FHOD3: variants seen among roughly 807,000 people sequenced by gnomAD.
FHOD3 encodes the protein formin homology 2 domain containing 3.
Under a neutral mutation model 173.0 loss-of-function variants are expected in FHOD3, and 90 were observed. The observed-to-expected ratio is 0.52, with a 90% CI of 0.44 to 0.62. The LOEUF is 0.62. FHOD3 is among the 20% of genes least tolerant of loss of function. FHOD3 has a pLI of 0.00. For missense variants in FHOD3, 1,945 were observed against 2,034.7 expected, an observed-to-expected ratio of 0.96 and a Z score of 0.85; for synonymous variants, 828 against 823.0, an observed-to-expected ratio of 1.01 and a Z score of -0.10.
At chr18:36,504,558 C>G (rs2055200038) in intron 4 of FHOD3, among the ~76,000 whole-genome samples, 1 of 133,962 alleles carries the variant, frequency 7.5e-6, no homozygotes, top group Non-Finnish European at 1.5e-5. Context: ...CACATGGACA[C>G]AGGAAAGGGA....
At chr18:36,457,395 G>A (rs1036328548) in intron 3 of FHOD3, among the ~76,000 whole-genome samples, 4 of 152,126 alleles carry the variant, frequency 2.6e-5, no homozygotes, top group African/African-American at 9.7e-5. Context: ...TTGGTGGATT[G>A]TTCACTGGGA....
chr18:36,530,670 A>C (rs951516374), intron 5 of FHOD3, among the ~76,000 whole-genome samples: 1 of 152,272 alleles, frequency 6.6e-6, no homozygotes, highest in Admixed American at 6.5e-5. Context: ...CAATGCCAGC[A>C]TGCACATTCT....
intron 9 of FHOD3, among the ~76,000 whole-genome samples, chr18:36,623,838 T>C (rs1381041258): frequency 6.6e-6 from 1 of 152,258 alleles, no homozygotes; most frequent in East Asian, 1.9e-4. Flanking sequence ...ACGGTTTGTG[T>C]ATCTCAGGTG....
At chr18:36,404,549 T>G (rs1028288287) in intron 3 of FHOD3, among the ~76,000 whole-genome samples, 1 of 152,204 alleles carries the variant, frequency 6.6e-6, no homozygotes, top group Non-Finnish European at 1.5e-5. Context: ...GGGCAGATTT[T>G]CAAATGCCAG....
chr18:36,674,742 G>A (rs1018641560), intron 14 of FHOD3, among the ~76,000 whole-genome samples: 1 of 152,122 alleles, frequency 6.6e-6, no homozygotes, highest in African/African-American at 2.4e-5. Context: ...GACAGTGAGG[G>A]GAGCATCTTG....
At chr18:36,722,337 G>T (rs2040835327) in intron 19 of FHOD3, among the ~76,000 whole-genome samples, 1 of 152,114 alleles carries the variant, frequency 6.6e-6, no homozygotes, top group Non-Finnish European at 1.5e-5. Flanking sequence ...CTAACCAGGG[G>T]CAGCAAAATC....
chr18:36,714,228 C>T (rs1600375431), intron 18 of FHOD3, among the ~76,000 whole-genome samples: 1 of 152,122 alleles, frequency 6.6e-6, no homozygotes, highest in East Asian at 1.9e-4. Flanking sequence ...AGCAAGAAAA[C>T]TGGCATTTTA....
At chr18:36,335,629 G>GAAAT (rs1381842769) in intron 1 of FHOD3, among the ~76,000 whole-genome samples, 2 of 152,192 alleles carry the variant, frequency 1.3e-5, no homozygotes, top group Non-Finnish European at 2.9e-5. Flanking sequence ...TGGCCTAGTA[G>GAAAT]AAATGGCTGT....
chr18:36,758,705 C>T (rs1400212673), intron 25 of FHOD3, among the ~76,000 whole-genome samples: 1 of 152,188 alleles, frequency 6.6e-6, no homozygotes, highest in African/African-American at 2.4e-5. Context: ...CTTAGAGGGG[C>T]CTTGATGACT....
intron 5 of FHOD3, among the ~76,000 whole-genome samples, chr18:36,530,007 GTAGGGGGT>G (rs1427100595): frequency 6.6e-6 from 1 of 151,484 alleles, no homozygotes; most frequent in Non-Finnish European, 1.5e-5. Context: ...GCCTTCCAAG[GTAGGGGGT>G]TTGGTCATGG....
intron 6 of FHOD3, among the ~76,000 whole-genome samples, chr18:36,582,241 G>A (rs1161874331): frequency 6.6e-6 from 1 of 152,168 alleles, no homozygotes; most frequent in Non-Finnish European, 1.5e-5. Context: ...GAGGAGATTC[G>A]GTGAGCCCTC....
chr18:36,459,622 G>A (rs960773901), intron 3 of FHOD3, among the ~76,000 whole-genome samples: 2 of 152,144 alleles, frequency 1.3e-5, no homozygotes, highest in African/African-American at 2.4e-5. Context: ...GTGGTCAAAT[G>A]GTCGTGGTAT....
At chr18:36,430,564 C>G (rs1316453448) in intron 3 of FHOD3, among the ~76,000 whole-genome samples, 1 of 152,196 alleles carries the variant, frequency 6.6e-6, no homozygotes, top group Admixed American at 6.5e-5. Context: ...GCAAGTCTGA[C>G]AGTGATCTCT....
At chr18:36,317,777 T>A (rs2144848723) in intron 1 of FHOD3, among the ~76,000 whole-genome samples, 1 of 152,360 alleles carries the variant, frequency 6.6e-6, no homozygotes, top group East Asian at 1.9e-4. Context: ...TTGCTTTTGA[T>A]GTTTTAGTCA....
At chr18:36,376,905 G>A (rs2047468181) in intron 3 of FHOD3, among the ~76,000 whole-genome samples, 1 of 152,236 alleles carries the variant, frequency 6.6e-6, no homozygotes, top group Non-Finnish European at 1.5e-5. Flanking sequence ...CTCACAGCCA[G>A]CCGATTTAGG....
intron 3 of FHOD3, among the ~76,000 whole-genome samples, chr18:36,496,530 A>G (rs1489366287): frequency 6.6e-6 from 1 of 152,194 alleles, no homozygotes; most frequent in East Asian, 1.9e-4. Context: ...ACTGTTTTAA[A>G]CATAGCAGGT....
intron 1 of FHOD3, among the ~76,000 whole-genome samples, chr18:36,330,132 A>G (rs2044909986): frequency 6.6e-6 from 1 of 152,200 alleles, no homozygotes; most frequent in Non-Finnish European, 1.5e-5. Flanking sequence ...CTAGCTTGAA[A>G]TTAACCAACT....
At chr18:36,655,652 T>C (rs923810762) in intron 13 of FHOD3, among the ~76,000 whole-genome samples, 11 of 152,194 alleles carry the variant, frequency 7.2e-5, no homozygotes, top group Non-Finnish European at 4.4e-5. Context: ...CATGGGTCTG[T>C]GTGACCACAG....
chr18:36,559,187 G>A (rs1313461306), intron 5 of FHOD3, among the ~76,000 whole-genome samples: 2 of 152,112 alleles, frequency 1.3e-5, no homozygotes, highest in Non-Finnish European at 2.9e-5. Context: ...TTTTCAGGGC[G>A]GGATGATGTT....
Sources: allele counts gnomAD v4.1 joint callset (sites outside exome capture counted in the v4.1 genomes callset), GRCh38; gene constraint gnomAD v4.1.1; transcripts MANE v1.5; gene names NCBI Gene and HGNC (gene_info 2026-07-23, HGNC 2026-07-21).